SUGCT: variants seen among roughly 807,000 people sequenced by gnomAD.
The protein encoded by SUGCT is succinyl-CoA:glutarate CoA-transferase.
SUGCT carries 41 observed loss-of-function variants against 55.0 expected under a neutral mutation model. That is an observed-to-expected ratio of 0.74 (90% CI 0.58 to 0.97). The LOEUF is 0.97. SUGCT is among the 50% of genes least tolerant of loss of function. The probability of loss-of-function intolerance (pLI) is 0.00; values close to 1 mark genes in which losing one functional copy is unlikely to be tolerated. For missense variants in SUGCT, 568 were observed against 547.8 expected, an observed-to-expected ratio of 1.04 and a Z score of -0.37; for synonymous variants, 187 against 200.4, an observed-to-expected ratio of 0.93 and a Z score of 0.56.
chr7:41,019,993 A>T, the SUGCT span, among the ~76,000 whole-genome samples: 2 of 152,204 alleles, frequency 1.3e-5, no homozygotes, highest in South Asian at 4.1e-4. Context: ...TCACCAACAT[A>T]AAGGTCCTAT....
chr7:40,574,712 G>A (rs975855671), intron 12 of SUGCT, among the ~76,000 whole-genome samples: 4 of 152,028 alleles, frequency 2.6e-5, no homozygotes, highest in Non-Finnish European at 4.4e-5. Context: ...GATTACAGGC[G>A]TGAGCCACCG....
chr7:40,144,113 GT>G (rs1788125005), intron 1 of SUGCT, among the ~76,000 whole-genome samples: 1 of 152,172 alleles, frequency 6.6e-6, no homozygotes, highest in South Asian at 2.1e-4. Flanking sequence ...TGACACTGGG[GT>G]CTTTACCAAA....
At chr7:40,850,416 T>C (rs979597807) in intron 13 of SUGCT, among the ~76,000 whole-genome samples, 5 of 152,220 alleles carry the variant, frequency 3.3e-5, no homozygotes, top group African/African-American at 9.7e-5. Context: ...ATAGTGTCTG[T>C]AGTAAGTGCA....
At chr7:40,701,665 A>G (rs1468954873) in intron 12 of SUGCT, among the ~76,000 whole-genome samples, 2 of 152,212 alleles carry the variant, frequency 1.3e-5, no homozygotes, top group Non-Finnish European at 2.9e-5. Context: ...TCTCCTTTCT[A>G]CCAAATTTTG....
the SUGCT span, among the ~76,000 whole-genome samples, chr7:40,982,577 C>T: frequency 6.6e-6 from 1 of 152,130 alleles, no homozygotes; most frequent in Non-Finnish European, 1.5e-5. Context: ...ATTAGAACCA[C>T]CTTCTAACTT....
At chr7:40,296,877 G>A (rs1794188712) in intron 8 of SUGCT, among the ~76,000 whole-genome samples, 1 of 152,040 alleles carries the variant, frequency 6.6e-6, no homozygotes, top group Admixed American at 6.6e-5. Flanking sequence ...CATGGACTCT[G>A]GAGCCAAACT....
At chr7:40,553,166 G>A (rs1021870803) in intron 12 of SUGCT, among the ~76,000 whole-genome samples, 1 of 152,144 alleles carries the variant, frequency 6.6e-6, no homozygotes. Flanking sequence ...CAGTGTTTCT[G>A]AGTTTACTTT....
chr7:40,421,644 A>C (rs1186428676), intron 9 of SUGCT, among the ~76,000 whole-genome samples: 1 of 152,198 alleles, frequency 6.6e-6, no homozygotes, highest in Non-Finnish European at 1.5e-5. Context: ...AAACATATCT[A>C]TGGAAAGAGA....
intron 7 of SUGCT, among the ~76,000 whole-genome samples, chr7:40,272,723 G>A (rs1792172850): frequency 1.3e-5 from 2 of 149,492 alleles, no homozygotes; most frequent in African/African-American, 4.9e-5. Context: ...GCAGTGGCAC[G>A]ATCTCAGCTC....
chr7:40,720,033 G>A (rs971575703), intron 12 of SUGCT, among the ~76,000 whole-genome samples: 1 of 152,092 alleles, frequency 6.6e-6, no homozygotes, highest in Non-Finnish European at 1.5e-5. Context: ...TGATCCACCT[G>A]CCTCGGCCTC....
intron 12 of SUGCT, among the ~76,000 whole-genome samples, chr7:40,742,263 T>G (rs1194684787): frequency 1.3e-5 from 2 of 152,200 alleles, no homozygotes; most frequent in East Asian, 3.9e-4. Context: ...AGAATGAAAT[T>G]TAGTAACAGT....
At chr7:40,360,161 C>T (rs1798079053) in intron 9 of SUGCT, among the ~76,000 whole-genome samples, 1 of 152,030 alleles carries the variant, frequency 6.6e-6, no homozygotes, top group African/African-American at 2.4e-5. Flanking sequence ...TTACAGGCAC[C>T]CGCCACCACA....
At chr7:40,377,854 T>C (rs931706361) in intron 9 of SUGCT, among the ~76,000 whole-genome samples, 1 of 152,202 alleles carries the variant, frequency 6.6e-6, no homozygotes, top group African/African-American at 2.4e-5. Flanking sequence ...AATGTAGAAT[T>C]CTTGGTATAT....
intron 6 of SUGCT, among the ~76,000 whole-genome samples, chr7:40,212,754 A>G (rs1390590145): frequency 6.6e-6 from 1 of 152,118 alleles, no homozygotes; most frequent in African/African-American, 2.4e-5. Flanking sequence ...AGGATGGTCT[A>G]GATCTCTTGA....
chr7:40,309,188 T>G (rs1795005882), intron 8 of SUGCT, among the ~76,000 whole-genome samples: 1 of 152,250 alleles, frequency 6.6e-6, no homozygotes, highest in Non-Finnish European at 1.5e-5. Flanking sequence ...TGTCTGAATG[T>G]ACCTTACCCT....
intron 12 of SUGCT, among the ~76,000 whole-genome samples, chr7:40,636,807 G>T (rs925005452): frequency 6.8e-6 from 1 of 146,086 alleles, no homozygotes; most frequent in African/African-American, 2.8e-5. Context: ...AAGCCATATT[G>T]TCTGCATCCA....
the SUGCT span, among the ~76,000 whole-genome samples, chr7:40,986,146 G>A: frequency 6.6e-6 from 1 of 152,278 alleles, no homozygotes; most frequent in South Asian, 2.1e-4. Context: ...GAGTTAATAA[G>A]TTATTAAGAA....
intron 9 of SUGCT, among the ~76,000 whole-genome samples, chr7:40,365,037 A>C (rs138516444): frequency 0.058 from 8,847 of 152,278 alleles, 336 homozygotes; most frequent in Non-Finnish European, 0.089. Flanking sequence ...AACCGAATCC[A>C]GCAGCACATC....
At chr7:40,189,070 A>G (rs990193819) in intron 4 of SUGCT, among the ~76,000 whole-genome samples, 1 of 152,168 alleles carries the variant, frequency 6.6e-6, no homozygotes, top group Non-Finnish European at 1.5e-5. Flanking sequence ...ATGGCTGGGC[A>G]CGGTGGCTCA....
Sources: gnomAD v4.1 joint callset for allele counts (sites outside exome capture counted in the v4.1 genomes callset) on GRCh38, gnomAD v4.1.1 for gene constraint, MANE v1.5 for transcripts, NCBI Gene and HGNC (gene_info 2026-07-23, HGNC 2026-07-21) for gene names.